RIMS1: variants seen among roughly 807,000 people sequenced by gnomAD.
RIMS1 encodes the protein regulating synaptic membrane exocytosis 1.
RIMS1 carries 83 observed loss-of-function variants against 214.1 expected under a neutral mutation model. That is an observed-to-expected ratio of 0.39 (90% CI 0.32 to 0.47). The LOEUF (loss-of-function observed/expected upper bound fraction) is 0.47. Ranked by LOEUF, RIMS1 falls within the 20% of genes least tolerant of loss-of-function variation. The probability of loss-of-function intolerance (pLI) is 0.99; values close to 1 mark genes in which losing one functional copy is unlikely to be tolerated. For missense variants in RIMS1, 2,050 were observed against 2,161.8 expected (o/e 0.95, Z 1.03); for synonymous variants, 793 against 786.8 (o/e 1.01, Z -0.13).
intron 2 of RIMS1, among the ~76,000 whole-genome samples, chr6:72,018,949 A>G (rs898220890): frequency 1.3e-5 from 2 of 152,206 alleles, no homozygotes; most frequent in Non-Finnish European, 2.9e-5. Context: ...AATCATAGCC[A>G]TTAGGGAAGA....
intron 29 of RIMS1, among the ~76,000 whole-genome samples, chr6:72,353,744 A>G (rs970486776): frequency 6.6e-6 from 1 of 152,242 alleles, no homozygotes; most frequent in Admixed American, 6.5e-5. Flanking sequence ...TGGCTTGTTT[A>G]TGTCTACAAA....
intron 29 of RIMS1, chr6:72,366,827 CA>C: frequency 1.0e-6 from 1 of 985,410 alleles, no homozygotes; most frequent in Non-Finnish European, 1.2e-6. Context: ...CCCCAGAGAA[CA>C]ATTTAATGCT....
chr6:72,046,211 T>A (rs1822982295), intron 2 of RIMS1, among the ~76,000 whole-genome samples: 1 of 151,992 alleles, frequency 6.6e-6, no homozygotes, highest in Admixed American at 6.6e-5. Context: ...TAGTATCAGG[T>A]TTTCTATTTA....
At chr6:72,386,201 A>T (rs2098598754) in intron 29 of RIMS1, among the ~76,000 whole-genome samples, 1 of 152,200 alleles carries the variant, frequency 6.6e-6, no homozygotes, top group African/African-American at 2.4e-5. Flanking sequence ...CCCAACTAAA[A>T]TATACAAATG....
chr6:72,023,236 C>T lies in RIMS1; in HGVS notation c.245+54173C>T, dbSNP rs181470574. Among the ~76,000 whole-genome samples the T allele has an allele frequency of 7.2e-5, 11 of 152,160 alleles. No homozygotes were observed. In the East Asian group the frequency reaches 1.4e-3, roughly 19 times the overall value. On this transcript the variant is annotated intron_variant, in intron 2 of 33. Transcript: ENST00000521978. ...AAAGAGCAAGAAAAATATTGTTAAA[C>T]GTTTGATTTGATAGCTAACATATAC...
chr6:72,355,910 C>T (rs190809100), intron 29 of RIMS1, among the ~76,000 whole-genome samples: 18 of 152,268 alleles, frequency 1.2e-4, no homozygotes, highest in African/African-American at 3.6e-4. Flanking sequence ...TTACACATAA[C>T]GACTCCCACT....
chr6:72,188,770 T>A (rs1348011984), intron 6 of RIMS1, among the ~76,000 whole-genome samples: 2 of 152,204 alleles, frequency 1.3e-5, no homozygotes, highest in African/African-American at 4.8e-5. Context: ...TCCATTTACC[T>A]CAATCACAGG....
chr6:72,153,868 A>G (rs943169352), intron 4 of RIMS1, among the ~76,000 whole-genome samples: 81 of 152,324 alleles, frequency 5.3e-4, no homozygotes, highest in African/African-American at 1.8e-3. Context: ...AAACTTTTTT[A>G]TAGTTTAAAA....
intron 6 of RIMS1, among the ~76,000 whole-genome samples, chr6:72,196,654 A>G (rs2051030211): frequency 7.4e-6 from 1 of 135,948 alleles, no homozygotes; most frequent in Non-Finnish European, 1.5e-5. Context: ...ATGGCTGTCA[A>G]ATCTCAGCAT....
intron 19 of RIMS1, among the ~76,000 whole-genome samples, chr6:72,264,382 C>T (rs1474784045): frequency 6.6e-6 from 1 of 152,124 alleles, no homozygotes; most frequent in Non-Finnish European, 1.5e-5. Context: ...TCTTACCCTA[C>T]TTCCAAAGGA....
At chr6:72,123,126 T>A (rs1264912792) in intron 4 of RIMS1, among the ~76,000 whole-genome samples, 1 of 151,876 alleles carries the variant, frequency 6.6e-6, no homozygotes, top group Non-Finnish European at 1.5e-5. Context: ...TAGATTTCCC[T>A]CTACACACTG....
intron 23 of RIMS1, among the ~76,000 whole-genome samples, chr6:72,278,368 C>G (rs1038411044): frequency 3.9e-5 from 6 of 151,994 alleles, no homozygotes; most frequent in African/African-American, 1.4e-4. Context: ...TTGCAGATAA[C>G]CAAATTTGTG....
At position 72,235,688 on chromosome 6, in the gene RIMS1, C is replaced by G. The variant is rs768042259; in HGVS notation, c.1817C>G (p.Thr606Arg). 4 of 1,609,398 alleles carry G rather than the reference C, an allele frequency of 2.5e-6. No homozygotes were observed. The highest frequency in any genetic ancestry group is 3.4e-6 in the Non-Finnish European group (4 of 1,177,506). Residue 606 changes from threonine (T) to arginine (R), a missense_variant, in exon 8 of 34, where the codon ACA becomes AGA. Coordinates refer to ENST00000521978, the MANE Select transcript of RIMS1 (RefSeq NM_014989.7). ...LIGRVILNKRTTMPKDSGALL... is the reference protein window; with the variant it reads ...LIGRVILNKRRTMPKDSGALL... ...GGACGTGTTATTCTTAACAAGAGAA[C>G]AACCATGCCCAAAGACTCAGGTGCA...
At chr6:71,934,806 C>T (rs771796563) in intron 1 of RIMS1, among the ~76,000 whole-genome samples, 17 of 152,098 alleles carry the variant, frequency 1.1e-4, no homozygotes, top group Non-Finnish European at 1.5e-4. Context: ...CACACCTGTG[C>T]GATTATTGGA....
chr6:72,012,250 T>A (rs7763259), intron 2 of RIMS1, among the ~76,000 whole-genome samples: 1 of 151,888 alleles, frequency 6.6e-6, no homozygotes, highest in Non-Finnish European at 1.5e-5. Flanking sequence ...AAACACCGCA[T>A]GTTGTCACTC....
chr6:72,150,535 A>T (rs79934465), intron 4 of RIMS1, among the ~76,000 whole-genome samples: 1,700 of 152,282 alleles, frequency 0.011, 10 homozygotes, highest in Non-Finnish European at 0.017. Context: ...TGTGAGGAAA[A>T]ATATTCAAGA....
intron 1 of RIMS1, among the ~76,000 whole-genome samples, chr6:71,890,241 T>C (rs1169311732): frequency 2.6e-5 from 4 of 152,156 alleles, no homozygotes; most frequent in Non-Finnish European, 4.4e-5. Flanking sequence ...GAAAGTACTT[T>C]ATCATAAAAA....
At chr6:72,183,607 C>T (rs1219422064) in intron 6 of RIMS1, among the ~76,000 whole-genome samples, 1 of 146,024 alleles carries the variant, frequency 6.8e-6, no homozygotes, top group Non-Finnish European at 1.5e-5. Flanking sequence ...ACCTTTCTCA[C>T]AATTTGTGAA....
chr6:72,059,322 G>T (rs558081987), intron 2 of RIMS1, among the ~76,000 whole-genome samples: 1 of 152,108 alleles, frequency 6.6e-6, no homozygotes, highest in Non-Finnish European at 1.5e-5. Flanking sequence ...GACCTCTTGG[G>T]CTCAAGCAAT....
Sources: allele counts gnomAD v4.1 joint callset (sites outside exome capture counted in the v4.1 genomes callset), GRCh38; gene constraint gnomAD v4.1.1; transcripts MANE v1.5; gene names NCBI Gene and HGNC (gene_info 2026-07-23, HGNC 2026-07-21).